DIPK2A: variants seen among roughly 807,000 people sequenced by gnomAD.
DIPK2A encodes the protein divergent protein kinase domain 2A, also known as Golgi Protein of 49 kDa.
Under a neutral mutation model 39.0 loss-of-function variants are expected in DIPK2A, and 27 were observed. The observed-to-expected ratio is 0.69, with a 90% CI of 0.51 to 0.96. The LOEUF is 0.96. DIPK2A is among the 40% of genes least tolerant of loss of function. The probability of loss-of-function intolerance (pLI) is 0.00; values close to 1 mark genes in which losing one functional copy is unlikely to be tolerated. For synonymous variants in DIPK2A, 298 were observed against 240.8 expected (o/e 1.24, Z -2.20); for missense variants, 528 against 571.3 (o/e 0.92, Z 0.77).
chr3:143,988,250 C>T (rs552505145), intron 2 of DIPK2A, among the ~76,000 whole-genome samples: 76 of 152,178 alleles, frequency 5.0e-4, no homozygotes, highest in African/African-American at 1.8e-3. Flanking sequence ...AGGCACATAC[C>T]ACCATGCCTG....
chr3:143,976,493 G>T (rs1352625663), intron 1 of DIPK2A, among the ~76,000 whole-genome samples: 2 of 150,358 alleles, frequency 1.3e-5, no homozygotes, highest in Non-Finnish European at 3.0e-5. Context: ...ATTTTCCATC[G>T]TATTTGTATT....
chr3:143,988,913 G>A (rs1169216819), intron 2 of DIPK2A, among the ~76,000 whole-genome samples: 1 of 152,134 alleles, frequency 6.6e-6, no homozygotes, highest in African/African-American at 2.4e-5. Context: ...CTTCAGCCCA[G>A]AGTTATCTTT....
chr3:143,982,061 A>C (rs1345018098), intron 1 of DIPK2A, among the ~76,000 whole-genome samples: 1 of 152,222 alleles, frequency 6.6e-6, no homozygotes, highest in African/African-American at 2.4e-5. Flanking sequence ...ACAAGTTAAA[A>C]TACTGTGTTT....
intron 1 of DIPK2A, among the ~76,000 whole-genome samples, chr3:143,980,193 A>G (rs1030903407): frequency 2.6e-5 from 4 of 152,210 alleles, no homozygotes; most frequent in African/African-American, 4.8e-5. Flanking sequence ...CGTTACTACA[A>G]TGGGATTTCA....
At chr3:143,974,339 T>G (rs1186087500) in intron 1 of DIPK2A, among the ~76,000 whole-genome samples, 1 of 152,174 alleles carries the variant, frequency 6.6e-6, no homozygotes, top group Admixed American at 6.5e-5. Flanking sequence ...CTATGTGTAT[T>G]GGGTTAATTT....
intron 2 of DIPK2A, among the ~76,000 whole-genome samples, chr3:143,986,584 C>T (rs1052768650): frequency 3.9e-5 from 6 of 151,978 alleles, no homozygotes; most frequent in South Asian, 2.1e-4. Flanking sequence ...ATTAGCCGGG[C>T]GAGGTGGCGG....
In DIPK2A at chr3:143,972,251, C is replaced by T; in HGVS notation, c.-82C>T. 3 of 1,270,934 alleles carry T rather than the reference C, an allele frequency of 2.4e-6. No individual in the cohort carries two copies. In the South Asian group the frequency reaches 6.4e-5, roughly 27 times the overall value. The allele number at this position is 1,270,934 out of a possible 1,614,324, so 78.7% of individuals were successfully genotyped here. ...TAGCTCCTTCTCTCGCCCGGGGTTCCTGCCGGTAGCTCTCCGGGTCTTGGC... is the reference window on the plus strand; with the variant it reads ...TAGCTCCTTCTCTCGCCCGGGGTTCTTGCCGGTAGCTCTCCGGGTCTTGGC... On this transcript the variant is annotated 5_prime_UTR_variant, in exon 1 of 3. Transcript: ENST00000315691.
intron 1 of DIPK2A, among the ~76,000 whole-genome samples, chr3:143,983,629 A>G (rs1003850425): frequency 6.6e-6 from 1 of 152,228 alleles, no homozygotes; most frequent in Non-Finnish European, 1.5e-5. Flanking sequence ...TCGACATCCT[A>G]ACATCACAAT....
At chr3:143,977,981 C>T (rs1269628143) in intron 1 of DIPK2A, among the ~76,000 whole-genome samples, 1 of 151,942 alleles carries the variant, frequency 6.6e-6, no homozygotes, top group Non-Finnish European at 1.5e-5. Flanking sequence ...GAATTTTGTC[C>T]TTTGTATACT....
rs2107836019 is a variant in DIPK2A, at chr3:143,971,944, T to A, written c.-389T>A. On this transcript the variant is annotated 5_prime_UTR_variant, in exon 1 of 3. Coordinates refer to ENST00000315691, the MANE Select transcript of DIPK2A (RefSeq NM_173552.5). The stretch of plus-strand genomic sequence containing the variant: ...GCAGACCCCACTTGTCGTGGCTGGC[T>A]GCCGCCGCAGCTCTTGTGCGAAGCC... 4.8e-6 allele frequency: 1 copy of A among 206,688 alleles called. No homozygotes were observed. Among genetic ancestry groups the A allele is most frequent in the East Asian group, 1.0e-4 (1 of 9,788 alleles). 12.8% of individuals were successfully genotyped at this position (206,688 alleles called of 1,614,324 possible).
chr3:143,976,468 A>G (rs1394402947), intron 1 of DIPK2A, among the ~76,000 whole-genome samples: 1 of 151,796 alleles, frequency 6.6e-6, no homozygotes, highest in Non-Finnish European at 1.5e-5. Context: ...CAAGATCACA[A>G]GTTATTGTTG....
At chr3:143,988,685 A>G (rs1019973520) in intron 2 of DIPK2A, among the ~76,000 whole-genome samples, 8 of 152,210 alleles carry the variant, frequency 5.3e-5, no homozygotes, top group African/African-American at 1.2e-4. Flanking sequence ...CTAGTTGTAC[A>G]TATGACATGC....
Position 143,990,064 on chromosome 3 carries a change from G to C in DIPK2A, c.*223G>C, listed in dbSNP as rs2087959339. 5.9e-6 allele frequency: 3 copies of C among 508,250 alleles called. No individual in the cohort carries two copies. The highest frequency in any genetic ancestry group is 7.0e-5 in the Admixed American group (2 of 28,660). 31.5% of individuals were successfully genotyped at this position (508,250 alleles called of 1,614,324 possible). ...ATGTTCTTATACTTTGGAGGCTTGA[G>C]CTGTCATCAGCTGCTCCCCACTACC... On this transcript the variant is annotated 3_prime_UTR_variant, in exon 3 of 3. Transcript: ENST00000315691.
intron 1 of DIPK2A, chr3:143,973,296 T>G (rs1356578037): frequency 4.0e-6 from 6 of 1,512,104 alleles, no homozygotes; most frequent in Non-Finnish European, 5.3e-6. Flanking sequence ...CTACTGCGAG[T>G]TTCCTTCCGC....
intron 1 of DIPK2A, chr3:143,978,665 TATAG>T (rs1488796832): frequency 4.2e-4 from 18 of 42,472 alleles, no homozygotes; most frequent in African/African-American, 2.4e-3. Context: ...TATATCTATA[TATAG>T]ATATATATAT....
rs760670614 is a variant in DIPK2A at position 143,972,604 on chromosome 3, T to A, written c.272T>A (p.Val91Glu). Residue 91 changes from valine to glutamate, a missense_variant, in exon 1 of 3, where the codon GTG becomes GAG. Transcript: ENST00000315691. ...CTGGACTTCCTCAACGTGAAGAACGTGTACTTCGCGCAGTACGGCGAGCCC... is the reference window on the plus strand; with the variant it reads ...CTGGACTTCCTCAACGTGAAGAACGAGTACTTCGCGCAGTACGGCGAGCCC... ...RLLDFLNVKN[V>E]YFAQYGEPRE... The A allele has an allele frequency of 6.2e-7, 1 of 1,612,134 alleles. No individual in the cohort carries two copies. Among genetic ancestry groups the A allele is most frequent in the Non-Finnish European group, 8.5e-7 (1 of 1,179,722 alleles).
rs2087657042 is a variant in DIPK2A, at chr3:143,972,124, C to T, written c.-209C>T. Reference sequence around the variant, plus strand: ...GGAGGGAGCTCGAGAGTTGTGGAGACTAGTGACTGGGAGAAGTCGCAGCCC... The same window carrying T: ...GGAGGGAGCTCGAGAGTTGTGGAGATTAGTGACTGGGAGAAGTCGCAGCCC... On this transcript the variant is annotated 5_prime_UTR_variant, in exon 1 of 3. Coordinates refer to ENST00000315691, the MANE Select transcript of DIPK2A (RefSeq NM_173552.5). 7.2e-6 allele frequency: 3 copies of T among 416,182 alleles called. No individual in the cohort carries two copies. In the East Asian group the frequency reaches 1.1e-4, roughly 15 times the overall value. The allele number at this position is 416,182 out of a possible 1,614,324, so 25.8% of individuals were successfully genotyped here.
rs1016446024 is a variant in DIPK2A at position 143,972,340 on chromosome 3, G to C, written c.8G>C (p.Arg3Pro). MW[R>P]LVPPKLGRLS... Reference sequence around the variant, plus strand: ...TGCGGGCGGGCGGGCGGTATGTGGCGCCTGGTGCCCCCGAAGCTGGGCCGC... The same window carrying C: ...TGCGGGCGGGCGGGCGGTATGTGGCCCCTGGTGCCCCCGAAGCTGGGCCGC... Residue 3 changes from arginine (R) to proline (P), a missense_variant, in exon 1 of 3, where the codon CGC (arginine) becomes CCC (proline). Transcript: ENST00000315691. 8 of 1,353,666 alleles carry C rather than the reference G, an allele frequency of 5.9e-6. No individual in the cohort carries two copies. Among genetic ancestry groups the C allele is most frequent in the Non-Finnish European group, 7.6e-6 (8 of 1,056,790 alleles). 83.9% of individuals were successfully genotyped at this position (1,353,666 alleles called of 1,614,324 possible). A position where few individuals can be genotyped will look rare whatever the true frequency, so the allele number is the denominator to read the frequency against.
chr3:143,972,349 C>T lies in DIPK2A; in HGVS notation c.17C>T (p.Pro6Leu), dbSNP rs894615288. The change falls in exon 1 of 3, where the codon CCC (proline) becomes CTC (leucine). Residue 6 changes from proline to leucine, a missense_variant. Coordinates refer to ENST00000315691, the MANE Select transcript of DIPK2A (RefSeq NM_173552.5). ...GCGGGCGGTATGTGGCGCCTGGTGC[C>T]CCCGAAGCTGGGCCGCCTGTCCCGC... MWRLV[P>L]PKLGRLSRSL... The T allele has an allele frequency of 5.9e-6, 8 of 1,364,476 alleles. No homozygotes were observed. Among genetic ancestry groups the T allele is most frequent in the Admixed American group, 3.6e-5 (1 of 28,080 alleles). 84.5% of individuals were successfully genotyped at this position (1,364,476 alleles called of 1,614,324 possible).
Sources: gnomAD v4.1 joint callset for allele counts (sites outside exome capture counted in the v4.1 genomes callset) on GRCh38, gnomAD v4.1.1 for gene constraint, MANE v1.5 for transcripts, NCBI Gene and HGNC (gene_info 2026-07-23, HGNC 2026-07-21) for gene names.